Variants in CCDC57 observed in about 807,000 individuals in gnomAD.
CCDC57 encodes coiled-coil domain containing 57, also known as coiled-coil domain-containing protein 57.
In CCDC57, 118 loss-of-function variants were observed where a neutral mutation model predicts 118.9. That is an observed-to-expected ratio of 0.99 (90% confidence interval 0.86 to 1.16). CCDC57 has a LOEUF of 1.16. Ranked by LOEUF, CCDC57 falls within the 50% of genes most tolerant of loss-of-function variation. CCDC57 has a pLI of 0.00. For synonymous variants in CCDC57, 527 were observed against 532.9 expected, an observed-to-expected ratio of 0.99 and a Z score of 0.15; for missense variants, 1,300 against 1,320.7, an observed-to-expected ratio of 0.98 and a Z score of 0.24.
intron 2 of CCDC57, 21 bp from the exon 2 acceptor site, chr17:82,201,973 G>C (rs996559539): frequency 2.3e-5 from 36 of 1,553,968 alleles, no homozygotes; most frequent in Non-Finnish European, 3.0e-5. Flanking sequence ...GAGAAATCAG[G>C]TTCAGGGTGC....
intron 16 of CCDC57, among the ~76,000 whole-genome samples, chr17:82,142,234 G>A (rs931064814): frequency 3.3e-5 from 5 of 152,080 alleles, no homozygotes; most frequent in Admixed American, 6.5e-5. Flanking sequence ...CCTCAGTAAG[G>A]ACACTGTATT....
intron 19 of CCDC57, among the ~76,000 whole-genome samples, chr17:82,109,505 G>T (rs1393984289): frequency 6.6e-6 from 1 of 152,176 alleles, no homozygotes; most frequent in Non-Finnish European, 1.5e-5. Context: ...TAGTTCAATG[G>T]ATATTTATAG....
At chr17:82,176,688 G>A (rs1198072093) in intron 11 of CCDC57, among the ~76,000 whole-genome samples, 1 of 152,160 alleles carries the variant, frequency 6.6e-6, no homozygotes, top group Admixed American at 6.5e-5. Context: ...TAGCCCCCAT[G>A]ACCTGGTGTT....
chr17:82,204,908 A>T (rs952768860), intron 2 of CCDC57, among the ~76,000 whole-genome samples: 20 of 152,214 alleles, frequency 1.3e-4, no homozygotes, highest in African/African-American at 4.6e-4. Context: ...TCTGTCTGCA[A>T]GGTTCCTCCT....
At chr17:82,105,710 G>A (rs1222647669) in intron 19 of CCDC57, among the ~76,000 whole-genome samples, 2 of 151,984 alleles carry the variant, frequency 1.3e-5, no homozygotes, top group Non-Finnish European at 2.9e-5. Flanking sequence ...GGGTACAGGG[G>A]GAGGGAGGCC....
chr17:82,107,749 TG>T, intron 19 of CCDC57: 1 of 378,860 alleles, frequency 2.6e-6, no homozygotes, highest in Non-Finnish European at 5.3e-6. Flanking sequence ...GCCCTTGGGC[TG>T]GAAGTCGTGG....
Position 82,207,289 on chromosome 17 carries a change from C to T in CCDC57, c.-9+558G>A, listed in dbSNP as rs111574577. 2.0e-4 allele frequency among the ~76,000 whole-genome samples: 31 copies of T among 151,852 alleles called. 2 individuals are homozygous for T. The highest frequency in any genetic ancestry group is 7.3e-4 in the African/African-American group (30 of 41,370). The stretch of plus-strand genomic sequence containing the variant: ...TTGAGGCTGCAGTGAGCTGTGATTG[C>T]ACCACTGCACTCCAGCCTAGGTGAC... On this transcript the variant is annotated intron_variant, in intron 2 of 19. Coordinates refer to ENST00000665763, the Ensembl canonical transcript of CCDC57.
rs559666059 is a variant in CCDC57 at position 82,119,067 on chromosome 17, A to G, written c.2899+8625T>C. On this transcript the variant is annotated intron_variant, in intron 19 of 19. Coordinates refer to ENST00000665763, the Ensembl canonical transcript of CCDC57. ...GAGAACAACTACATTCTTATCTACC[A>G]GGCTCCACTGAGCGGGCGGGAGGTG... Among the ~76,000 whole-genome samples, 191 of 120,894 alleles carry G rather than the reference A, an allele frequency of 1.6e-3. 1 individual carries two copies. The highest frequency in any genetic ancestry group is 5.8e-3 in the African/African-American group (179 of 30,972). 79.3% of individuals were successfully genotyped at this position (120,894 alleles called of 152,430 possible).
rs755140752 is a variant in CCDC57, at chr17:82,172,819, A to G, written c.1548T>C (p.Phe516=). 5 of 1,613,334 alleles carry G rather than the reference A, an allele frequency of 3.1e-6. No individual in the cohort carries two copies. The highest frequency in any genetic ancestry group is 2.7e-5 in the African/African-American group (2 of 74,922). ...GGAGCCGCTGGATCTCACTGGATGG[A>G]AAGTCTTTACTTATTTCTTCTTCAT... is the stretch of plus-strand genomic sequence containing the variant. The change falls in exon 12 of 20, where the codon TTT becomes TTC. Residue 516 remains phenylalanine, a synonymous_variant. Transcript: ENST00000665763. The surrounding 1 kb of genome is among the most constrained non-coding windows in gnomAD (Gnocchi z 5.2).
intron 8 of CCDC57, among the ~76,000 whole-genome samples, chr17:82,186,424 G>A (rs1029166738): frequency 6.6e-6 from 1 of 152,166 alleles, no homozygotes; most frequent in African/African-American, 2.4e-5. Context: ...AGCACCTGCG[G>A]CCCCTCTCAC....
intron 19 of CCDC57, 176 bp downstream of exon 18, chr17:82,127,516 G>C (rs1272117446): frequency 2.0e-5 from 20 of 985,328 alleles, no homozygotes; most frequent in Non-Finnish European, 2.3e-5. Context: ...CATAACCCGG[G>C]AAACACTCAG....
At chr17:82,146,974 C>G (rs943501555) in intron 16 of CCDC57, among the ~76,000 whole-genome samples, 1 of 152,254 alleles carries the variant, frequency 6.6e-6, no homozygotes, top group East Asian at 1.9e-4. Flanking sequence ...AGGCGTGAGC[C>G]ACCACACACA....
At chr17:82,191,372 C>T (rs539238082) in intron 7 of CCDC57, among the ~76,000 whole-genome samples, 30 of 152,252 alleles carry the variant, frequency 2.0e-4, no homozygotes, top group African/African-American at 7.2e-4. Context: ...CTTTTTACCA[C>T]GTGGAACTGT....
At chr17:82,189,482 G>C (rs1444116098) in intron 7 of CCDC57, among the ~76,000 whole-genome samples, 2 of 151,982 alleles carry the variant, frequency 1.3e-5, no homozygotes, top group Non-Finnish European at 2.9e-5. Context: ...CAGACCCCTT[G>C]GCAAGGCCAA....
chr17:82,129,441 G>C (rs2145288561), intron 17 of CCDC57, among the ~76,000 whole-genome samples: 1 of 152,342 alleles, frequency 6.6e-6, no homozygotes, highest in Admixed American at 6.5e-5. Context: ...GGAGGCTGTG[G>C]AACGAGCCCA....
At chr17:82,130,344 C>T (rs1365080212) in intron 17 of CCDC57, among the ~76,000 whole-genome samples, 2 of 151,388 alleles carry the variant, frequency 1.3e-5, no homozygotes, top group African/African-American at 2.4e-5. Flanking sequence ...CAGATGCCCA[C>T]CCCCATGCCC....
rs2050211465 is a variant in CCDC57, at chr17:82,212,140, T to A, written c.-211+645A>T. On this transcript the variant is annotated intron_variant, in intron 1 of 19. Transcript: ENST00000665763. The surrounding 1 kb of genome is among the most constrained non-coding windows in gnomAD (Gnocchi z 4.1). ...ACAGGACTCCTGAGTAGTCTCAGAGTGTGGCGTTCTCTCTATAACTCCCTC... is the reference window on the plus strand; with the variant it reads ...ACAGGACTCCTGAGTAGTCTCAGAGAGTGGCGTTCTCTCTATAACTCCCTC... Among the ~76,000 whole-genome samples the A allele has an allele frequency of 6.6e-6, 1 of 152,130 alleles. No individual in the cohort carries two copies. The highest frequency in any genetic ancestry group is 2.1e-4 in the South Asian group (1 of 4,830).
intron 16 of CCDC57, among the ~76,000 whole-genome samples, chr17:82,147,250 A>C (rs555099306): frequency 7.8e-6 from 1 of 128,492 alleles, no homozygotes; most frequent in Non-Finnish European, 1.6e-5. Flanking sequence ...GAATGGATAG[A>C]TGGATGAATG....
intron 13 of CCDC57, 171 bp from the exon 13 acceptor site, chr17:82,163,528 G>T: frequency 1.5e-6 from 1 of 673,602 alleles, no homozygotes; most frequent in Non-Finnish European, 2.5e-6. Flanking sequence ...TCCACGTGAA[G>T]ATTAGAGATG....
Sources: allele counts gnomAD v4.1 joint callset (sites outside exome capture counted in the v4.1 genomes callset), GRCh38; gene constraint gnomAD v4.1.1; non-coding constraint Gnocchi (gnomAD v3.1); transcripts MANE v1.5; gene names NCBI Gene and HGNC (gene_info 2026-07-23, HGNC 2026-07-21).